NSD1: variants seen among roughly 807,000 people sequenced by gnomAD.
NSD1 encodes histone-lysine N-methyltransferase, H3 lysine-36 specific.
In NSD1, 26 loss-of-function variants were observed where a neutral mutation model predicts 242.7. That is an observed-to-expected ratio of 0.11 (90% CI 0.08 to 0.15). The LOEUF (loss-of-function observed/expected upper bound fraction) is 0.15. NSD1 is among the 10% of genes least tolerant of loss of function. The probability of loss-of-function intolerance (pLI) is 1.00; values close to 1 mark genes in which losing one functional copy is unlikely to be tolerated. For synonymous variants in NSD1, 1,106 were observed against 1,178.1 expected, an observed-to-expected ratio of 0.94 and a Z score of 1.25; for missense variants, 2,495 against 3,272.8, an observed-to-expected ratio of 0.76 and a Z score of 5.80.
At chr5:177,266,089 C>T (rs1010745150) in intron 14 of NSD1, 23 of 1,127,144 alleles carry the variant, frequency 2.0e-5, no homozygotes, top group South Asian at 1.7e-4. Flanking sequence ...CCTCGGTGGC[C>T]GTCACATACA....
At chr5:177,228,828 A>G (rs1407125413) in intron 5 of NSD1, among the ~76,000 whole-genome samples, 1 of 152,198 alleles carries the variant, frequency 6.6e-6, no homozygotes, top group Non-Finnish European at 1.5e-5. Context: ...TATGTATACA[A>G]TCGAATACTA....
At chr5:177,237,915 G>A (rs1456090068) in intron 6 of NSD1, among the ~76,000 whole-genome samples, 1 of 152,040 alleles carries the variant, frequency 6.6e-6, no homozygotes, top group African/African-American at 2.4e-5. Flanking sequence ...CATCCATCTC[G>A]ATAATTTTTT....
intron 17 of NSD1, among the ~76,000 whole-genome samples, chr5:177,274,697 T>G (rs984626613): frequency 6.9e-6 from 1 of 145,352 alleles, no homozygotes; most frequent in African/African-American, 2.5e-5. Flanking sequence ...CACTTATCCT[T>G]TGTGTGTGTG....
chr5:177,227,368 TAAG>T (rs899341239), intron 5 of NSD1, among the ~76,000 whole-genome samples: 81 of 152,320 alleles, frequency 5.3e-4, no homozygotes, highest in African/African-American at 1.9e-3. Flanking sequence ...TATAAGTTGA[TAAG>T]GAGGCAGATG....
rs756895271 is a variant in NSD1 at position 177,260,125 on chromosome 5, T to C, written c.5103T>C (p.Asn1701=). Residue 1701 remains asparagine (N), a synonymous_variant, in exon 14 of 23, where the codon AAT becomes AAC. Coordinates refer to ENST00000439151, the MANE Select transcript of NSD1 (RefSeq NM_022455.5). ...TTACCCCTAGGCGGGGCTGCCGAAA[T>C]CATGAGCATGTTAATGTTAGCTGGT... is the stretch of plus-strand genomic sequence containing the variant. ...NHFTPRRGCR[N]HEHVNVSWCF... 3.7e-6 allele frequency: 6 copies of C among 1,614,106 alleles called. No individual in the cohort carries two copies. In the South Asian group the frequency reaches 4.4e-5, roughly 12 times the overall value.
Position 177,158,998 on chromosome 5 carries a change from T to TTATATATATATATATATGAATGAGA in NSD1, c.927+22985_927+22986insGAATGAGATATATATATATATATAT, listed in dbSNP as rs1183569859. ...TATACACACATATATATGAATGATT[T>TTATATATATATATATATGAATGAGA]TATATATATATATATATATATATAT... On this transcript the variant is annotated intron_variant, in intron 2 of 22. Coordinates refer to ENST00000439151, the MANE Select transcript of NSD1 (RefSeq NM_022455.5). Among the ~76,000 whole-genome samples, 267 of 122,594 alleles carry TTATATATATATATATATGAATGAGA rather than the reference T, an allele frequency of 2.2e-3. 5 individuals are homozygous for TTATATATATATATATATGAATGAGA. Among genetic ancestry groups the TTATATATATATATATATGAATGAGA allele is most frequent in the African/African-American group, 9.5e-3 (251 of 26,312 alleles). 80.4% of individuals were successfully genotyped at this position (122,594 alleles called of 152,430 possible). A position where few individuals can be genotyped will look rare whatever the true frequency, so the allele number is the denominator to read the frequency against.
chr5:177,284,304 A>G (rs1333587045), intron 20 of NSD1, among the ~76,000 whole-genome samples: 1 of 152,226 alleles, frequency 6.6e-6, no homozygotes, highest in Non-Finnish European at 1.5e-5. Context: ...GTTTAGGGAC[A>G]GAGCATTGCT....
chr5:177,244,934 G>A (rs911507463), intron 9 of NSD1, among the ~76,000 whole-genome samples: 7 of 152,148 alleles, frequency 4.6e-5, no homozygotes, highest in African/African-American at 1.2e-4. Flanking sequence ...ATATCAGGCC[G>A]TTCATGGTGG....
chr5:177,267,478 A>AATATAT, intron 14 of NSD1, 84 bp from the exon 15 acceptor site: 1 of 1,126,864 alleles, frequency 8.9e-7, no homozygotes, highest in Non-Finnish European at 1.3e-6. Context: ...AGAGAAAGAA[A>AATATAT]ATATATATAT....
intron 2 of NSD1, among the ~76,000 whole-genome samples, chr5:177,149,060 C>T (rs1757487047): frequency 6.6e-6 from 1 of 152,030 alleles, no homozygotes. Context: ...CTCAGGTAAT[C>T]CACCCATCTT....
intron 17 of NSD1, 54 bp downstream of exon 17, chr5:177,273,838 T>C (rs1276743565): frequency 1.1e-5 from 12 of 1,134,184 alleles, no homozygotes; most frequent in Non-Finnish European, 1.6e-5. Flanking sequence ...AATAGCTGGC[T>C]CTTCCCACTC....
upstream of NSD1, among the ~76,000 whole-genome samples, chr5:177,132,526 A>G (rs1169780049): frequency 6.6e-6 from 1 of 151,534 alleles, no homozygotes; most frequent in East Asian, 2.0e-4. The surrounding 1 kb of genome is among the most constrained non-coding windows in gnomAD (Gnocchi z 7.5). Context: ...GGCTGCGAGG[A>G]CCCCTGGGCT....
At chr5:177,146,900 G>A (rs1160562994) in intron 2 of NSD1, among the ~76,000 whole-genome samples, 2 of 151,770 alleles carry the variant, frequency 1.3e-5, no homozygotes, top group African/African-American at 4.8e-5. Flanking sequence ...CTAGCTACTC[G>A]GGAGGCTGAG....
At chr5:177,165,642 G>GA (rs1759125016) in intron 2 of NSD1, among the ~76,000 whole-genome samples, 1 of 152,064 alleles carries the variant, frequency 6.6e-6, no homozygotes, top group Admixed American at 6.6e-5. Context: ...GCCCAGGCTA[G>GA]AGTACAGTGG....
chr5:177,236,699 A>G (rs1765461564), intron 6 of NSD1, among the ~76,000 whole-genome samples: 1 of 152,230 alleles, frequency 6.6e-6, no homozygotes, highest in African/African-American at 2.4e-5. Flanking sequence ...TCTCTGTCAA[A>G]TGGAAGATAG....
chr5:177,192,847 A>G (rs944972309), intron 3 of NSD1, among the ~76,000 whole-genome samples: 2 of 152,090 alleles, frequency 1.3e-5, no homozygotes, highest in Non-Finnish European at 2.9e-5. Flanking sequence ...AACATTCTCA[A>G]TTATTCTGTT....
chr5:177,180,441 C>T (rs907228082), intron 2 of NSD1, among the ~76,000 whole-genome samples: 1 of 151,822 alleles, frequency 6.6e-6, no homozygotes, highest in African/African-American at 2.4e-5. Context: ...ACCTTGGTAT[C>T]TCGAGGGTCT....
At chr5:177,140,522 G>A (rs749051084) in intron 2 of NSD1, among the ~76,000 whole-genome samples, 4 of 152,084 alleles carry the variant, frequency 2.6e-5, no homozygotes, top group Non-Finnish European at 5.9e-5. Flanking sequence ...TGTTGCAATA[G>A]TAATTAAGAC....
chr5:177,188,975 G>C, intron 2 of NSD1, among the ~76,000 whole-genome samples: 1 of 152,174 alleles, frequency 6.6e-6, no homozygotes, highest in South Asian at 2.1e-4. Flanking sequence ...CTCAGGAGGC[G>C]AAGATTGCAG....
Sources: gnomAD v4.1 joint callset for allele counts (sites outside exome capture counted in the v4.1 genomes callset) on GRCh38, gnomAD v4.1.1 for gene constraint, Gnocchi (gnomAD v3.1) non-coding constraint, MANE v1.5 for transcripts, NCBI Gene and HGNC (gene_info 2026-07-23, HGNC 2026-07-21) for gene names.